SP7: variants seen among roughly 807,000 people sequenced by gnomAD.
The protein encoded by SP7 is Sp7 transcription factor.
Under a neutral mutation model 27.9 loss-of-function variants are expected in SP7, and 13 were observed. That is an observed-to-expected ratio of 0.47 (90% CI 0.30 to 0.74). The LOEUF (loss-of-function observed/expected upper bound fraction) is 0.74. SP7 is among the 30% of genes least tolerant of loss of function. The pLI, the probability that SP7 is intolerant of heterozygous loss-of-function variation, is 0.06. For missense variants in SP7, 525 were observed against 558.0 expected (o/e 0.94, Z 0.60); for synonymous variants, 219 against 226.7 (o/e 0.97, Z 0.31).
upstream of SP7, among the ~76,000 whole-genome samples, chr12:53,337,790 A>G (rs1399531014): frequency 6.6e-6 from 1 of 152,116 alleles, no homozygotes; most frequent in Non-Finnish European, 1.5e-5. Context: ...GATTTACCTC[A>G]AGGAACTCTG....
chr12:53,330,416 C>T (rs1360064402), intron 2 of SP7, among the ~76,000 whole-genome samples: 1 of 152,164 alleles, frequency 6.6e-6, no homozygotes, highest in Non-Finnish European at 1.5e-5. Context: ...TGCAGTAGCA[C>T]CATCACAGCT....
In SP7 at chr12:53,328,222, C is replaced by T. The variant is rs900808909; in HGVS notation, c.1220G>A (p.Arg407Gln). Residue 407 changes from arginine to glutamine, a missense_variant, in exon 3 of 3, where the codon CGA becomes CAA. By Grantham distance (43) the Arg-to-Gln change is conservative (BLOSUM62 1). Coordinates refer to ENST00000536324, the MANE Select transcript of SP7 (RefSeq NM_001173467.3). The surrounding 1 kb of genome is among the most constrained non-coding windows in gnomAD (Gnocchi z 5.1). The stretch of plus-strand genomic sequence containing the variant: ...TGGGGTTGCTGGCGAGGCAGAAGGT[C>T]GGGGCGTCTGACTGGCCTCCTCTTC... Reference protein sequence around the residue: ...TGEEEASQTPRPSASPATPEK... With the variant: ...TGEEEASQTPQPSASPATPEK... The T allele has an allele frequency of 3.1e-6, 5 of 1,612,930 alleles. No homozygotes were observed. Among genetic ancestry groups the T allele is most frequent in the African/African-American group, 1.3e-5 (1 of 74,884 alleles).
In SP7 at chr12:53,327,962, G is replaced by C. The variant is rs1414688496; in HGVS notation, c.*184C>G. On this transcript the variant is annotated 3_prime_UTR_variant, in exon 3 of 3. Coordinates refer to ENST00000536324, the MANE Select transcript of SP7 (RefSeq NM_001173467.3). ...TGGAAAGCCAGTCTCATGGTGAAGAGAGAAGGTGAGCTGAGGAGGCATGCA... is the reference window on the plus strand; with the variant it reads ...TGGAAAGCCAGTCTCATGGTGAAGACAGAAGGTGAGCTGAGGAGGCATGCA... The C allele has an allele frequency of 1.7e-6, 1 of 595,796 alleles. No individual in the cohort carries two copies. The allele number at this position is 595,796 out of a possible 1,614,324, so 36.9% of individuals were successfully genotyped here.
In SP7 at chr12:53,329,001, AATGCCTGCATGG is replaced by A; in HGVS notation, c.429_440del (p.His144_Ile147del). ...TAGGAGTGTTGCCTGGGCCTGGTGA[AATGCCTGCATGG>A]ATGCCTGCCTTGTACCAGGAGCCAT... On this transcript the variant is annotated inframe_deletion, in exon 3 of 3. Transcript: ENST00000536324. 6.2e-7 allele frequency: 1 copy of A among 1,613,514 alleles called. No homozygotes were observed. The highest frequency in any genetic ancestry group is 8.5e-7 in the Non-Finnish European group (1 of 1,179,674).
rs1395374684 is a variant in SP7 at position 53,328,971 on chromosome 12, T to C, written c.471A>G (p.Pro157=). The change falls in exon 3 of 3, where the codon CCA becomes CCG. Residue 157 remains proline (P), a synonymous_variant. Coordinates refer to ENST00000536324, the MANE Select transcript of SP7 (RefSeq NM_001173467.3). The surrounding 1 kb of genome is among the most constrained non-coding windows in gnomAD (Gnocchi z 5.1). ...TGCCTCCAGGGTGCATATCCCACCA[T>C]GGAGTAGGAGTGTTGCCTGGGCCTG... is the stretch of plus-strand genomic sequence containing the variant. The part of the protein sequence containing the change: ...ISPGPGNTPT[P]WWDMHPGGNW... The C allele has an allele frequency of 6.2e-7, 1 of 1,612,450 alleles. No individual in the cohort carries two copies. The highest frequency in any genetic ancestry group is 1.3e-5 in the African/African-American group (1 of 74,842).
At chr12:53,332,747 G>A (rs750772160) in intron 2 of SP7, among the ~76,000 whole-genome samples, 1 of 152,096 alleles carries the variant, frequency 6.6e-6, no homozygotes, top group Non-Finnish European at 1.5e-5. Context: ...AAAGGGGGAG[G>A]AGGAGGAAGA....
Position 53,335,506 on chromosome 12 carries a change from G to A in SP7, c.21+120C>T, listed in dbSNP as rs1432291094. On this transcript the variant is annotated intron_variant, in intron 2 of 2. Transcript: ENST00000536324. Reference sequence around the variant, plus strand: ...CCCACTCCTCTCTCCTCATCAGAAGGACCCCTGGAATTGACAAGCACCACA... The same window carrying A: ...CCCACTCCTCTCTCCTCATCAGAAGAACCCCTGGAATTGACAAGCACCACA... 8.3e-6 allele frequency: 6 copies of A among 721,434 alleles called. No homozygotes were observed. The African/African-American group carries it at 1.1e-4, about 13-fold the overall frequency. The allele number at this position is 721,434 out of a possible 1,614,324, so 44.7% of individuals were successfully genotyped here.
upstream of SP7, among the ~76,000 whole-genome samples, chr12:53,336,662 A>G (rs904979615): frequency 2.0e-5 from 3 of 152,004 alleles, no homozygotes; most frequent in Admixed American, 6.6e-5. Flanking sequence ...CCAGCTGACC[A>G]TGGAGAGGCT....
At chr12:53,342,932 G>A (rs1373243117) in intron 1 of SP7, among the ~76,000 whole-genome samples, 1 of 151,788 alleles carries the variant, frequency 6.6e-6, no homozygotes, top group Non-Finnish European at 1.5e-5. Flanking sequence ...GGGGAATTAA[G>A]GAAGGCTTCC....
At chr12:53,338,338 T>C (rs1325378494), upstream of SP7, among the ~76,000 whole-genome samples, 4 of 151,904 alleles carry the variant, frequency 2.6e-5, no homozygotes, top group African/African-American at 9.7e-5. Flanking sequence ...GGCCCCGAAC[T>C]CAGAAGTTGA....
Position 53,329,071 on chromosome 12 carries a change from C to G in SP7, c.371G>C (p.Ser124Thr). 1 of 1,613,862 alleles carries G rather than the reference C, an allele frequency of 6.2e-7. No individual in the cohort carries two copies. Residue 124 changes from serine to threonine, a missense_variant, in exon 3 of 3, where the codon AGT becomes ACT. Physicochemically the swap from Ser to Thr is moderately conservative, Grantham distance 58. Coordinates refer to ENST00000536324, the MANE Select transcript of SP7 (RefSeq NM_001173467.3). ...TGTCATGTCCAGAGAGGTGTAGACACTGGGCAGACAGTCAGAAGAGCTGTG... is the reference window on the plus strand; with the variant it reads ...TGTCATGTCCAGAGAGGTGTAGACAGTGGGCAGACAGTCAGAAGAGCTGTG... ...KGHSSSDCLP[S>T]VYTSLDMTHP...
chr12:53,336,235 G>A lies in SP7; in HGVS notation c.-137C>T, dbSNP rs927591630. ...AGGCAACGGGTGGCCTGAGGGTGCT[G>A]GGAGGGATCCGCTCTCTCCCAGGCC... On this transcript the variant is annotated 5_prime_UTR_variant, in exon 1 of 3. Coordinates refer to ENST00000536324, the MANE Select transcript of SP7 (RefSeq NM_001173467.3). 4 of 160,226 alleles carry A rather than the reference G, an allele frequency of 2.5e-5. No individual in the cohort carries two copies. The highest frequency in any genetic ancestry group is 5.8e-5 in the Admixed American group (1 of 17,302). The allele number at this position is 160,226 out of a possible 1,614,324, so 9.9% of individuals were successfully genotyped here. A position where few individuals can be genotyped will look rare whatever the true frequency, so the allele number is the denominator to read the frequency against.
chr12:53,338,022 TAAAG>T (rs775639777), upstream of SP7, among the ~76,000 whole-genome samples: 2 of 151,184 alleles, frequency 1.3e-5, no homozygotes, highest in African/African-American at 4.9e-5. Flanking sequence ...ACTAAAAAGA[TAAAG>T]AAACAGGCCC....
At chr12:53,333,309 G>C (rs916218394) in intron 2 of SP7, among the ~76,000 whole-genome samples, 2 of 152,232 alleles carry the variant, frequency 1.3e-5, no homozygotes, top group Admixed American at 6.5e-5. Context: ...CCTTCGAGTT[G>C]TTCCCTCCCG....
chr12:53,327,893 G>A lies in SP7; in HGVS notation c.*253C>T, dbSNP rs1031375508. ...CAGGGCCAGAGTCTAGGAAGCCGGA[G>A]TGCAGGTATCAGGCACAAGGGGAGG... On this transcript the variant is annotated 3_prime_UTR_variant, in exon 3 of 3. Transcript: ENST00000536324. 24 of 485,486 alleles carry A rather than the reference G, an allele frequency of 4.9e-5. No homozygotes were observed. Among genetic ancestry groups the A allele is most frequent in the Non-Finnish European group, 8.0e-5 (22 of 275,816 alleles). The allele number at this position is 485,486 out of a possible 1,614,324, so 30.1% of individuals were successfully genotyped here.
chr12:53,329,243 G>C lies in SP7; in HGVS notation c.199C>G (p.Pro67Ala), dbSNP rs182659396. ...SKTMGDAYPAPFTSTNGLLSP... is the reference protein window; with the variant it reads ...SKTMGDAYPAAFTSTNGLLSP... ...AGGAGCCCATTAGTGCTTGTAAAGG[G>C]GGCTGGATAAGCATCCCCCATGGTT... The change falls in exon 3 of 3, where the codon CCC becomes GCC. Residue 67 changes from proline to alanine, a missense_variant. Physicochemically the swap from Pro to Ala is conservative, Grantham distance 27. Transcript: ENST00000536324. The C allele has an allele frequency of 1.1e-5, 17 of 1,613,694 alleles. No individual in the cohort carries two copies. Among genetic ancestry groups the C allele is most frequent in the Non-Finnish European group, 1.4e-5 (16 of 1,179,898 alleles).
rs375538454 is a variant in SP7, at chr12:53,328,231, T to C, written c.1211A>G (p.Gln404Arg). ...TGGCGAGGCAGAAGGTCGGGGCGTC[T>C]GACTGGCCTCCTCTTCCCCCGTGCT... ...GRSTGEEEAS[Q>R]TPRPSASPAT... Residue 404 changes from glutamine to arginine, a missense_variant, in exon 3 of 3, where the codon CAG (glutamine) becomes CGG (arginine). Gln to Arg is a conservative substitution (Grantham distance 43). Transcript: ENST00000536324. This position sits in a 1 kb window ranked among gnomAD's most constrained non-coding sequence, Gnocchi z 5.1. The C allele has an allele frequency of 2.5e-6, 4 of 1,613,004 alleles. 1 individual carries two copies. The African/African-American group carries it at 4.0e-5, about 16-fold the overall frequency.
chr12:53,341,977 G>A (rs1487496084), intron 1 of SP7, among the ~76,000 whole-genome samples: 5 of 151,946 alleles, frequency 3.3e-5, no homozygotes, highest in Non-Finnish European at 7.4e-5. Context: ...GAAGAATGGC[G>A]TGACCGGGAG....
Position 53,335,704 on chromosome 12 carries a change from GGGT to G in SP7, c.-47-14_-47-12del. On this transcript the variant is annotated splice_polypyrimidine_tract_variant and intron_variant, in intron 1 of 2. Coordinates refer to ENST00000536324, the MANE Select transcript of SP7 (RefSeq NM_001173467.3). ...GGCAGATGGAGAGAGCTGAGCCGGG[GGGT>G]GGGGGGGGTAGAGAGAGAAAAGGGA... 6.9e-7 allele frequency: 1 copy of G among 1,451,182 alleles called. No individual in the cohort carries two copies. The highest frequency in any genetic ancestry group is 9.2e-7 in the Non-Finnish European group (1 of 1,085,288). 89.9% of individuals were successfully genotyped at this position (1,451,182 alleles called of 1,614,324 possible).
Sources: allele counts gnomAD v4.1 joint callset (sites outside exome capture counted in the v4.1 genomes callset), GRCh38; gene constraint gnomAD v4.1.1; non-coding constraint Gnocchi (gnomAD v3.1); transcripts MANE v1.5; gene names NCBI Gene and HGNC (gene_info 2026-07-23, HGNC 2026-07-21).